The following LCOR variants were observed in gnomAD, a reference collection of about 807,000 sequenced individuals.
LCOR encodes the protein ligand dependent nuclear receptor corepressor, also known as ligand-dependent corepressor.
Under a neutral mutation model 64.4 loss-of-function variants are expected in LCOR, and 14 were observed. The ratio of observed to expected loss-of-function variants is 0.22; its 90% CI spans 0.14 to 0.34. The LOEUF (loss-of-function observed/expected upper bound fraction) is 0.34. LCOR is among the 10% of genes least tolerant of loss of function. LCOR has a pLI of 1.00. For missense variants in LCOR, 1,686 were observed against 1,765.3 expected, an observed-to-expected ratio of 0.96 and a Z score of 0.80; for synonymous variants, 643 against 642.5, an observed-to-expected ratio of 1.00 and a Z score of -0.01.
At chr10:96,881,138 C>T (rs996842448) in intron 2 of LCOR, among the ~76,000 whole-genome samples, 1 of 152,030 alleles carries the variant, frequency 6.6e-6, no homozygotes, top group African/African-American at 2.4e-5. Flanking sequence ...TATTATCTGG[C>T]CTTTTACAGA....
intron 4 of LCOR, among the ~76,000 whole-genome samples, chr10:96,941,215 G>C (rs1207461296): frequency 2.4e-5 from 3 of 126,982 alleles, no homozygotes; most frequent in South Asian, 2.5e-4. Flanking sequence ...CCTCCCGGAC[G>C]GGGCGGCTGG....
intron 4 of LCOR, among the ~76,000 whole-genome samples, chr10:96,937,177 C>T (rs899521510): frequency 6.6e-6 from 1 of 152,058 alleles, no homozygotes; most frequent in Admixed American, 6.5e-5. Context: ...GGGAAGAGGA[C>T]CATGTAAAGA....
At position 96,982,433 on chromosome 10, in the gene LCOR, A is replaced by T; in HGVS notation, c.1973A>T (p.Asp658Val). The T allele has an allele frequency of 6.2e-7, 1 of 1,614,166 alleles. No homozygotes were observed. Among genetic ancestry groups the T allele is most frequent in the Non-Finnish European group, 8.5e-7 (1 of 1,180,002 alleles). ...EHNQPPVALL[D>V]TEEMSVPQDC... ...AACCAACCACCAGTTGCACTGTTGG[A>T]TACGGAGGAGATGAGTGTACCCCAG... Residue 658 changes from aspartate (D) to valine (V), a missense_variant, in exon 8 of 8, where the codon GAT (aspartate) becomes GTT (valine). Asp to Val is a radical substitution (Grantham distance 152, BLOSUM62 -3). This residue lies in a region of LCOR where 1,293 missense variants were observed against 1,410.4 expected (regional missense o/e 0.92). Coordinates refer to ENST00000421806, the MANE Select transcript of LCOR (RefSeq NM_001346516.2).
chr10:96,898,091 T>C (rs778396287), intron 2 of LCOR, among the ~76,000 whole-genome samples: 10 of 152,010 alleles, frequency 6.6e-5, no homozygotes, highest in Non-Finnish European at 1.3e-4. Flanking sequence ...AAGTATAGGG[T>C]GATGTTAAAA....
chr10:96,973,563 T>TTATTATTATTA (rs1283839963), intron 7 of LCOR, among the ~76,000 whole-genome samples: 1 of 152,164 alleles, frequency 6.6e-6, no homozygotes, highest in Non-Finnish European at 1.5e-5. Flanking sequence ...CAATTTCAGA[T>TTATTATTATTA]TATTGTCTGG....
At chr10:96,949,695 G>A (rs1272058803) in intron 6 of LCOR, among the ~76,000 whole-genome samples, 1 of 152,080 alleles carries the variant, frequency 6.6e-6, no homozygotes, top group Non-Finnish European at 1.5e-5. Flanking sequence ...CTACTTGCAG[G>A]TATAAGTTAT....
At chr10:96,968,828 T>C (rs1191446888) in intron 7 of LCOR, among the ~76,000 whole-genome samples, 1 of 151,910 alleles carries the variant, frequency 6.6e-6, no homozygotes, top group Non-Finnish European at 1.5e-5. Flanking sequence ...CCAGCTCTAC[T>C]TGGTGGTGAG....
chr10:96,918,847 T>C (rs945888224), intron 4 of LCOR, among the ~76,000 whole-genome samples: 1 of 152,192 alleles, frequency 6.6e-6, no homozygotes, highest in Admixed American at 6.5e-5. Context: ...TATGAAAGCA[T>C]TGTTTAACAC....
intron 7 of LCOR, chr10:96,962,237 A>G (rs750632475): frequency 1.3e-5 from 2 of 152,134 alleles, no homozygotes; most frequent in Non-Finnish European, 2.9e-5. Flanking sequence ...TTGGAATTTG[A>G]GAGAAGGTGA....
intron 4 of LCOR, among the ~76,000 whole-genome samples, chr10:96,922,675 G>A (rs908694370): frequency 2.6e-5 from 4 of 152,104 alleles, no homozygotes; most frequent in African/African-American, 9.7e-5. Flanking sequence ...TGTCTGTGGG[G>A]GTGGTTTGCT....
chr10:96,880,662 T>G (rs1846247562), intron 2 of LCOR, among the ~76,000 whole-genome samples: 1 of 152,200 alleles, frequency 6.6e-6, no homozygotes, highest in Non-Finnish European at 1.5e-5. Flanking sequence ...TCTCCCAAAT[T>G]GTTGACATTA....
intron 2 of LCOR, among the ~76,000 whole-genome samples, chr10:96,887,832 C>T (rs1223484302): frequency 6.6e-6 from 1 of 151,400 alleles, no homozygotes; most frequent in African/African-American, 2.4e-5. Context: ...AGGCATTCAC[C>T]ACCACACCCA....
chr10:96,970,399 A>T (rs1205520024), intron 7 of LCOR, among the ~76,000 whole-genome samples: 1 of 151,978 alleles, frequency 6.6e-6, no homozygotes, highest in Non-Finnish European at 1.5e-5. Flanking sequence ...GCCGTCTCAA[A>T]AAATAAATAA....
intron 7 of LCOR, among the ~76,000 whole-genome samples, chr10:96,979,575 T>C (rs1848065377): frequency 6.6e-6 from 1 of 152,186 alleles, no homozygotes; most frequent in Non-Finnish European, 1.5e-5. Flanking sequence ...TTGTGGTTGA[T>C]TGTAAAAGGT....
intron 7 of LCOR, among the ~76,000 whole-genome samples, chr10:96,970,682 C>G (rs1554841770): frequency 6.9e-6 from 1 of 144,204 alleles, no homozygotes; most frequent in African/African-American, 2.8e-5. Flanking sequence ...ATTTTAGAGA[C>G]AGAGTCTCAC....
chr10:96,851,432 A>G (rs1224768787), intron 2 of LCOR, among the ~76,000 whole-genome samples: 3 of 152,232 alleles, frequency 2.0e-5, no homozygotes. Flanking sequence ...TTTTAGCATG[A>G]AGGATGCCAT....
rs769810945 is a variant in LCOR at position 96,991,022 on chromosome 10, T to TAAAAAAAAA, written c.*5903_*5911dup. The TAAAAAAAAA allele has an allele frequency of 1.3e-5, 1 of 77,262 alleles. No homozygotes were observed. The highest frequency in any genetic ancestry group is 4.7e-5 in the African/African-American group (1 of 21,416). The allele number at this position is 77,262 out of a possible 1,614,324, so 4.8% of individuals were successfully genotyped here. On this transcript the variant is annotated 3_prime_UTR_variant, in exon 8 of 8. Coordinates refer to ENST00000421806, the MANE Select transcript of LCOR (RefSeq NM_001346516.2). ...TTTTACCCTTTTTTAAAGGGTTATG[T>TAAAAAAAAA]AAAAAAAAAAAAAAAAAAAAAAAGC... is the stretch of plus-strand genomic sequence containing the variant.
intron 2 of LCOR, among the ~76,000 whole-genome samples, chr10:96,836,884 T>C (rs1326163303): frequency 6.6e-6 from 1 of 152,260 alleles, no homozygotes; most frequent in African/African-American, 2.4e-5. Flanking sequence ...TGGAGACTTT[T>C]TGTTAGGCAA....
At chr10:96,964,860 T>G (rs1368840156) in intron 7 of LCOR, among the ~76,000 whole-genome samples, 1 of 152,060 alleles carries the variant, frequency 6.6e-6, no homozygotes, top group Non-Finnish European at 1.5e-5. Flanking sequence ...GTGACTATTT[T>G]TTGTTTGCTT....
Sources: gnomAD v4.1 joint callset for allele counts (sites outside exome capture counted in the v4.1 genomes callset) on GRCh38, gnomAD v4.1.1 for gene constraint, gnomAD v4.1.1 regional missense constraint, MANE v1.5 for transcripts, NCBI Gene and HGNC (gene_info 2026-07-23, HGNC 2026-07-21) for gene names.